Variants in GCNA observed in about 807,000 individuals in gnomAD.
GCNA encodes the protein germ cell nuclear acidic protein.
In GCNA, 3 loss-of-function variants were observed where a neutral mutation model predicts 38.8. That is an observed-to-expected ratio of 0.08 (90% CI 0.04 to 0.20). GCNA has a LOEUF of 0.20. Ranked by LOEUF, GCNA falls within the 10% of genes least tolerant of loss-of-function variation. GCNA has a pLI of 1.00. For missense variants in GCNA, 446 were observed against 578.6 expected, an observed-to-expected ratio of 0.77 and a Z score of 2.35; for synonymous variants, 195 against 240.2, an observed-to-expected ratio of 0.81 and a Z score of 1.74.
intron 2 of GCNA, among the ~76,000 whole-genome samples, chrX:71,586,810 A>AT (rs2040589127): frequency 9.0e-6 from 1 of 111,293 alleles, no homozygotes; most frequent in Non-Finnish European, 1.9e-5. Flanking sequence ...GGGTTTCACC[A>AT]TGTTGGCCAG....
chrX:71,612,308 A>AAT, intron 11 of GCNA, 47 bp from the exon 12 acceptor site: 1 of 712,822 alleles, frequency 1.4e-6, no homozygotes, highest in Non-Finnish European at 2.0e-6. Flanking sequence ...AAAAAAAAAA[A>AAT]GAGGATTGGT....
chrX:71,611,611 G>T (rs1328777342), intron 11 of GCNA, among the ~76,000 whole-genome samples: 2 of 111,615 alleles, frequency 1.8e-5, no homozygotes, highest in African/African-American at 6.5e-5. Flanking sequence ...TTCTAACTTT[G>T]CAAATTCAAT....
intron 2 of GCNA, among the ~76,000 whole-genome samples, chrX:71,582,416 G>A (rs2040554126): frequency 9.2e-6 from 1 of 109,011 alleles, no homozygotes; most frequent in Admixed American, 9.9e-5. Flanking sequence ...GTAAAGAAAT[G>A]ATAAATTTTA....
rs747417144 is a variant in GCNA at position 71,611,313 on chromosome X, GTC to G, written c.1750+499_1750+500del. Reference sequence around the variant, plus strand: ...GCTCCTGTTTGGCTTGGCCAATCTTGTCTCTCAGTATTCTACCACTAGCCCAT... The same window carrying G: ...GCTCCTGTTTGGCTTGGCCAATCTTGTCTCAGTATTCTACCACTAGCCCAT... On this transcript the variant is annotated intron_variant, in intron 11 of 12. Coordinates refer to ENST00000373696, the MANE Select transcript of GCNA (RefSeq NM_052957.5). 2.0e-3 allele frequency among the ~76,000 whole-genome samples: 219 copies of G among 111,749 alleles called. 1 individual carries two copies. The highest frequency in any genetic ancestry group is 3.0e-3 in the Non-Finnish European group (160 of 53,098).
At chrX:71,612,299 AAAAAAAAAAG>A (rs2040817978) in intron 11 of GCNA, 46 bp from the exon 12 acceptor site, 1 of 808,388 alleles carries the variant, frequency 1.2e-6, no homozygotes, top group East Asian at 3.9e-5. Flanking sequence ...AAAAAAAAAA[AAAAAAAAAAG>A]AGGATTGGTT....
intron 1 of GCNA, chrX:71,580,549 A>T: frequency 4.6e-6 from 1 of 216,857 alleles, no homozygotes; most frequent in East Asian, 8.6e-5. Flanking sequence ...ATCTCGGCTC[A>T]CTGCAAGCTC....
chrX:71,596,684 G>A (rs1316018511), intron 6 of GCNA, among the ~76,000 whole-genome samples: 1 of 111,777 alleles, frequency 8.9e-6, no homozygotes, highest in Non-Finnish European at 1.9e-5. Flanking sequence ...AGTCCCAGGT[G>A]CCATCTATAT....
At chrX:71,605,586 G>T (rs1417589506) in intron 8 of GCNA, 77 bp from the exon 9 acceptor site, 32 of 907,045 alleles carry the variant, frequency 3.5e-5, no homozygotes, top group Non-Finnish European at 4.6e-5. Context: ...CTCCTTTTGG[G>T]TTTACCTTTC....
At chrX:71,602,372 A>G (rs763167657) in intron 7 of GCNA, among the ~76,000 whole-genome samples, 1 of 110,983 alleles carries the variant, frequency 9.0e-6, no homozygotes, top group African/African-American at 3.3e-5. Flanking sequence ...TTTTTAGTAG[A>G]GATGGGGTTC....
Position 71,610,574 on chromosome X carries a change from T to C in GCNA, c.1612-107T>C, listed in dbSNP as rs1363391331. ...GTTGCAGTGGGCTGAGTTTGCACCA[T>C]TGCACTCCAGCCTGGGCAACAAGAG... On this transcript the variant is annotated intron_variant, in intron 10 of 12. Transcript: ENST00000373696. 5 of 1,011,287 alleles carry C rather than the reference T, an allele frequency of 4.9e-6. No individual in the cohort carries two copies. In the African/African-American group the frequency reaches 5.8e-5, roughly 12 times the overall value. 83.3% of individuals were successfully genotyped at this position (1,011,287 alleles called of 1,213,427 possible). A position where few individuals can be genotyped will look rare whatever the true frequency, so the allele number is the denominator to read the frequency against.
At chrX:71,608,342 G>A (rs1344289167) in intron 9 of GCNA, among the ~76,000 whole-genome samples, 2 of 111,855 alleles carry the variant, frequency 1.8e-5, no homozygotes, top group African/African-American at 6.5e-5. Context: ...GCGCGATCTC[G>A]GCTCACTGCA....
intron 2 of GCNA, among the ~76,000 whole-genome samples, chrX:71,586,579 T>C (rs1392533601): frequency 9.0e-6 from 1 of 110,972 alleles, no homozygotes; most frequent in Non-Finnish European, 1.9e-5. Flanking sequence ...AGGGAGAAAA[T>C]AGAGTTCTGT....
chrX:71,586,139 G>GTTT (rs369229738), intron 2 of GCNA, among the ~76,000 whole-genome samples: 1 of 89,745 alleles, frequency 1.1e-5, no homozygotes, highest in African/African-American at 4.0e-5. Context: ...TGAAATAAAT[G>GTTT]TTTTTTTTTT....
At chrX:71,579,101 G>A (rs1251855200) in intron 1 of GCNA, among the ~76,000 whole-genome samples, 1 of 108,845 alleles carries the variant, frequency 9.2e-6, no homozygotes, top group African/African-American at 3.4e-5. Context: ...AGGAGCGTGT[G>A]GTGGCGCCAG....
In GCNA at chrX:71,600,591, C is replaced by T. The variant is rs376621104; in HGVS notation, c.310+2553C>T. Among the ~76,000 whole-genome samples the T allele has an allele frequency of 4.5e-5, 5 of 111,747 alleles. No individual in the cohort carries two copies. The East Asian group carries it at 8.4e-4, about 19-fold the overall frequency. On this transcript the variant is annotated intron_variant, in intron 7 of 12. Transcript: ENST00000373696. Reference sequence around the variant, plus strand: ...AGAGACTATGATTTGAAAATTGCCACGAGTTTGGTTGCTATTTGATCTGTC... The same window carrying T: ...AGAGACTATGATTTGAAAATTGCCATGAGTTTGGTTGCTATTTGATCTGTC...
chrX:71,598,702 A>C (rs2040690711), intron 7 of GCNA, among the ~76,000 whole-genome samples: 1 of 110,642 alleles, frequency 9.0e-6, no homozygotes, highest in Admixed American at 9.6e-5. Context: ...AAACACAGGA[A>C]GACTAGAAAC....
chrX:71,594,081 A>G (rs1416838749), intron 4 of GCNA, among the ~76,000 whole-genome samples: 3 of 112,367 alleles, frequency 2.7e-5, no homozygotes, highest in Admixed American at 1.9e-4. Flanking sequence ...CTGATAGCTA[A>G]TGATACTCAG....
At chrX:71,594,156 TG>T (rs2040652156) in intron 4 of GCNA, among the ~76,000 whole-genome samples, 174 bp from the exon 5 acceptor site, 1 of 112,885 alleles carries the variant, frequency 8.9e-6, no homozygotes, top group Non-Finnish European at 1.9e-5. Context: ...TTCCAATTTT[TG>T]TTCACTTGTG....
At chrX:71,606,859 G>T (rs918031954) in intron 9 of GCNA, among the ~76,000 whole-genome samples, 11 of 112,210 alleles carry the variant, frequency 9.8e-5, no homozygotes, top group Admixed American at 8.5e-4. Context: ...GCTAGAGCGT[G>T]ACAAAAGAAG....
Sources: gnomAD v4.1 joint callset for allele counts (sites outside exome capture counted in the v4.1 genomes callset) on GRCh38, gnomAD v4.1.1 for gene constraint, MANE v1.5 for transcripts, NCBI Gene and HGNC (gene_info 2026-07-23, HGNC 2026-07-21) for gene names.